TNKS: variants seen among roughly 807,000 people sequenced by gnomAD.
The protein encoded by TNKS is poly [ADP-ribose] polymerase tankyrase-1.
A neutral mutation model predicts 135.8 loss-of-function variants in TNKS; 72 were observed. That is an observed-to-expected ratio of 0.53 (90% CI 0.44 to 0.64). TNKS has a LOEUF of 0.64. TNKS is among the 30% of genes least tolerant of loss of function. The probability of loss-of-function intolerance (pLI) is 0.00; values close to 1 mark genes in which losing one functional copy is unlikely to be tolerated. For synonymous variants in TNKS, 849 were observed against 649.3 expected (o/e 1.31, Z -4.68); for missense variants, 1,769 against 1,674.0 (o/e 1.06, Z -0.99).
chr8:9,613,173 G>A (rs970140656), intron 2 of TNKS, among the ~76,000 whole-genome samples: 21 of 152,182 alleles, frequency 1.4e-4, no homozygotes, highest in African/African-American at 1.9e-4. Flanking sequence ...CAAATAGTCC[G>A]TAAAGACTAA....
At position 9,708,256 on chromosome 8, in the gene TNKS, T is replaced by C. The variant is rs1804146315; in HGVS notation, c.1457-115T>C. 5 of 939,126 alleles carry C rather than the reference T, an allele frequency of 5.3e-6. No homozygotes were observed. The East Asian group carries it at 1.2e-4, about 22-fold the overall frequency. 58.2% of individuals were successfully genotyped at this position (939,126 alleles called of 1,614,324 possible). On this transcript the variant is annotated intron_variant, in intron 8 of 26. Coordinates refer to ENST00000310430, the MANE Select transcript of TNKS (RefSeq NM_003747.3). ...TCATCATATTATCACATTGCTGCTG[T>C]TGTTAAAATAGAGAAATTCATAAAA...
In TNKS at chr8:9,642,785, C is replaced by T. The variant is rs1800772168; in HGVS notation, c.994+27108C>T. On this transcript the variant is annotated intron_variant, in intron 3 of 26. Transcript: ENST00000310430. ...CCTCTTTTAATAAATGTACATACTT[C>T]AGAATCTCATAAAAGTTCATGTAAA... is the stretch of plus-strand genomic sequence containing the variant. Among the ~76,000 whole-genome samples the T allele has an allele frequency of 1.4e-5, 2 of 145,682 alleles. 1 individual carries two copies. The highest frequency in any genetic ancestry group is 4.4e-4 in the South Asian group (2 of 4,558).
intron 3 of TNKS, among the ~76,000 whole-genome samples, chr8:9,674,225 C>G (rs917921352): frequency 9.9e-5 from 15 of 152,030 alleles, no homozygotes; most frequent in African/African-American, 2.7e-4. Flanking sequence ...ATCGTTTAAC[C>G]TGTTCATTTT....
chr8:9,628,752 A>C (rs1800165735), intron 3 of TNKS, among the ~76,000 whole-genome samples: 1 of 152,138 alleles, frequency 6.6e-6, no homozygotes, highest in Admixed American at 6.5e-5. Flanking sequence ...TGCCCTCTTC[A>C]GAGGTACATA....
intron 11 of TNKS, among the ~76,000 whole-genome samples, chr8:9,713,157 A>G (rs967169688): frequency 1.3e-5 from 2 of 152,164 alleles, no homozygotes; most frequent in Admixed American, 6.5e-5. Flanking sequence ...AAGGGAACAG[A>G]GTTCTACAGA....
intron 19 of TNKS, among the ~76,000 whole-genome samples, chr8:9,752,128 C>T (rs938473531): frequency 1.3e-5 from 2 of 152,136 alleles, no homozygotes; most frequent in African/African-American, 4.8e-5. Flanking sequence ...ACTGAGAGGT[C>T]ATTTCAGGAA....
intron 11 of TNKS, among the ~76,000 whole-genome samples, chr8:9,719,007 T>C (rs1804739212): frequency 6.6e-6 from 1 of 152,212 alleles, no homozygotes; most frequent in South Asian, 2.1e-4. Flanking sequence ...CAATTTTAGA[T>C]TTTTCTTTTG....
At chr8:9,680,862 A>T in intron 5 of TNKS, 62 bp downstream of exon 5, 2 of 1,030,304 alleles carry the variant, frequency 1.9e-6, no homozygotes, top group Non-Finnish European at 2.9e-6. Context: ...TGAATGTGGC[A>T]TATATATATA....
intron 17 of TNKS, among the ~76,000 whole-genome samples, chr8:9,746,878 A>T (rs1806261967): frequency 9.9e-6 from 1 of 100,760 alleles, no homozygotes; most frequent in East Asian, 2.7e-4. Flanking sequence ...ATACCTACTT[A>T]AACTTTTTTT....
chr8:9,601,928 C>G (rs964682652), intron 2 of TNKS, among the ~76,000 whole-genome samples: 1 of 152,126 alleles, frequency 6.6e-6, no homozygotes, highest in African/African-American at 2.4e-5. Context: ...TAAAAGCGTT[C>G]AGAGGCCCGG....
intron 3 of TNKS, among the ~76,000 whole-genome samples, chr8:9,662,432 C>A (rs966344073): frequency 6.6e-6 from 1 of 152,144 alleles, no homozygotes; most frequent in Non-Finnish European, 1.5e-5. Flanking sequence ...AGGATGAGTT[C>A]ATGTCCTTTG....
At chr8:9,672,692 AC>A (rs1802343115) in intron 3 of TNKS, among the ~76,000 whole-genome samples, 2 of 123,084 alleles carry the variant, frequency 1.6e-5, no homozygotes, top group African/African-American at 5.9e-5. Flanking sequence ...ACACACACAC[AC>A]ACACACACAC....
chr8:9,674,852 A>G (rs1224877368), intron 3 of TNKS, among the ~76,000 whole-genome samples: 1 of 152,122 alleles, frequency 6.6e-6, no homozygotes, highest in Non-Finnish European at 1.5e-5. Flanking sequence ...TTTAGAATGG[A>G]TGTTCAGTGT....
rs1807245501 is a variant in TNKS, at chr8:9,763,248, A to C, written c.3372+4A>C. On this transcript the variant is annotated splice_donor_region_variant and intron_variant, in intron 22 of 26. Coordinates refer to ENST00000310430, the MANE Select transcript of TNKS (RefSeq NM_003747.3). The stretch of plus-strand genomic sequence containing the variant: ...ATATCAGTCAGTGGAAGAAGAGGTA[A>C]TATACATCAGAAATCTTTCATTTGC... 3 of 1,559,180 alleles carry C rather than the reference A, an allele frequency of 1.9e-6. No individual in the cohort carries two copies. Among genetic ancestry groups the C allele is most frequent in the Non-Finnish European group, 2.6e-6 (3 of 1,140,690 alleles).
chr8:9,666,311 C>T (rs1801986124), intron 3 of TNKS, among the ~76,000 whole-genome samples: 1 of 152,150 alleles, frequency 6.6e-6, no homozygotes, highest in Non-Finnish European at 1.5e-5. Flanking sequence ...TTTACAATTA[C>T]ATAGGAAGCT....
rs760292309 is a variant in TNKS, at chr8:9,598,747, A to C, written c.899-16835A>C. 4.2e-3 allele frequency among the ~76,000 whole-genome samples: 454 copies of C among 107,558 alleles called. 11 individuals are homozygous for C. The highest frequency in any genetic ancestry group is 0.014 in the African/African-American group (423 of 29,524). The allele number at this position is 107,558 out of a possible 152,430, so 70.6% of individuals were successfully genotyped here. ...TGTGTGTGTGTGTCTGTGTGTGTAT[A>C]TATGTATATGTGTGTGTGTATATAT... On this transcript the variant is annotated intron_variant, in intron 2 of 26. Transcript: ENST00000310430.
In TNKS at chr8:9,778,767, T is replaced by G. The variant is rs903142326; in HGVS notation, c.*2031T>G. ...GTTTTCAGTAGCTGTCAAGTGTGTC[T>G]TACTTACCTTCCCCCAGACGTAGTT... On this transcript the variant is annotated 3_prime_UTR_variant, in exon 27 of 27. Transcript: ENST00000310430. 1 of 152,318 alleles carries G rather than the reference T, an allele frequency of 6.6e-6. No homozygotes were observed. The highest frequency in any genetic ancestry group is 2.4e-5 in the African/African-American group (1 of 41,432). 9.4% of individuals were successfully genotyped at this position (152,318 alleles called of 1,614,324 possible).
chr8:9,735,154 GA>G, intron 16 of TNKS, 70 bp downstream of exon 16: 3 of 1,465,280 alleles, frequency 2.0e-6, no homozygotes, highest in Non-Finnish European at 2.8e-6. Flanking sequence ...ACTAAAAGAC[GA>G]AAGCCATGCT....
chr8:9,782,077 T>C lies in TNKS; in HGVS notation c.*5341T>C, dbSNP rs1808478092. Reference sequence around the variant, plus strand: ...TCTCATTGTTTGGTTTTTCTAAATCTGGCAATCCTACAGCTGTGGTCATGG... The same window carrying C: ...TCTCATTGTTTGGTTTTTCTAAATCCGGCAATCCTACAGCTGTGGTCATGG... On this transcript the variant is annotated 3_prime_UTR_variant, in exon 27 of 27. Transcript: ENST00000310430. 1 of 152,368 alleles carries C rather than the reference T, an allele frequency of 6.6e-6. No individual in the cohort carries two copies. Among genetic ancestry groups the C allele is most frequent in the African/African-American group, 2.4e-5 (1 of 41,460 alleles). The allele number at this position is 152,368 out of a possible 1,614,324, so 9.4% of individuals were successfully genotyped here. A position where few individuals can be genotyped will look rare whatever the true frequency, so the allele number is the denominator to read the frequency against.
Sources: allele counts gnomAD v4.1 joint callset (sites outside exome capture counted in the v4.1 genomes callset), GRCh38; gene constraint gnomAD v4.1.1; transcripts MANE v1.5; gene names NCBI Gene and HGNC (gene_info 2026-07-23, HGNC 2026-07-21).